The following PXYLP1 variants were observed in gnomAD, a reference collection of about 807,000 sequenced individuals.
The protein encoded by PXYLP1 is 2-phosphoxylose phosphatase 1, also known as acid phosphatase-like 2.
A neutral mutation model predicts 37.9 loss-of-function variants in PXYLP1; 17 were observed. The observed-to-expected ratio is 0.45, with a 90% CI of 0.31 to 0.67. The LOEUF is 0.67. Among genes scored for constraint, PXYLP1 ranks in the 30% least tolerant of loss-of-function variants. The pLI is 0.07. For synonymous variants in PXYLP1, 221 were observed against 232.2 expected, an observed-to-expected ratio of 0.95 and a Z score of 0.44; for missense variants, 511 against 612.0, an observed-to-expected ratio of 0.84 and a Z score of 1.74.
chr3:141,248,901 T>A (rs185946933), intron 1 of PXYLP1, among the ~76,000 whole-genome samples: 4 of 142,038 alleles, frequency 2.8e-5, no homozygotes, highest in African/African-American at 8.0e-5. Context: ...ACAGAGTGAG[T>A]GTGTGTGTGT....
chr3:141,246,180 C>T (rs1035591502), intron 1 of PXYLP1, among the ~76,000 whole-genome samples: 2 of 152,126 alleles, frequency 1.3e-5, no homozygotes, highest in African/African-American at 4.8e-5. Flanking sequence ...TAAAAGAGAG[C>T]TCTCTAAGAA....
Position 141,292,607 on chromosome 3 carries a change from T to G in PXYLP1, c.845T>G (p.Val282Gly), listed in dbSNP as rs1559899558. ...ACCTACGGGGAGATGGCCAAGATCG[T>G]GGATGTCCCCACCAAGCAGCTTAGA... ...EKTYGEMAKI[V>G]DVPTKQLRAA... Residue 282 changes from valine to glycine, a missense_variant, in exon 6 of 6, where the codon GTG becomes GGG. Val to Gly is a moderately radical substitution (Grantham distance 109). Transcript: ENST00000286353. The surrounding 1 kb of genome is among the most constrained non-coding windows in gnomAD (Gnocchi z 4.3). 3.7e-6 allele frequency: 6 copies of G among 1,613,892 alleles called. No individual in the cohort carries two copies. The highest frequency in any genetic ancestry group is 4.2e-6 in the Non-Finnish European group (5 of 1,179,990).
chr3:141,262,788 A>G (rs1011079477), intron 2 of PXYLP1: 91 of 1,176,296 alleles, frequency 7.7e-5, no homozygotes, highest in Non-Finnish European at 1.1e-4. Context: ...CATTTATTTA[A>G]TTGCTTTATT....
At chr3:141,280,569 T>C (rs1197464257) in intron 4 of PXYLP1, among the ~76,000 whole-genome samples, 1 of 152,258 alleles carries the variant, frequency 6.6e-6, no homozygotes, top group Non-Finnish European at 1.5e-5. Flanking sequence ...AGTTACTTAA[T>C]GTCATTTAAT....
At chr3:141,256,136 GT>G (rs1339108796) in intron 1 of PXYLP1, among the ~76,000 whole-genome samples, 1 of 152,202 alleles carries the variant, frequency 6.6e-6, no homozygotes, top group Non-Finnish European at 1.5e-5. Context: ...GACTCCTTGT[GT>G]TTAGATTGTG....
At chr3:141,246,026 C>G (rs1187843518) in intron 1 of PXYLP1, among the ~76,000 whole-genome samples, 1 of 152,170 alleles carries the variant, frequency 6.6e-6, no homozygotes, top group Non-Finnish European at 1.5e-5. Flanking sequence ...AGTTCTTCCC[C>G]CGACTGACCG....
chr3:141,254,245 T>A (rs1000699596), intron 1 of PXYLP1, among the ~76,000 whole-genome samples: 2 of 152,210 alleles, frequency 1.3e-5, no homozygotes, highest in Non-Finnish European at 2.9e-5. Context: ...GTCCTAGGTC[T>A]TGTATCGTTT....
intron 2 of PXYLP1, 38 bp downstream of exon 2, chr3:141,260,292 G>A (rs1286698195): frequency 7.5e-6 from 12 of 1,604,602 alleles, no homozygotes; most frequent in Non-Finnish European, 1.0e-5. Flanking sequence ...TGGGAGGGTA[G>A]GGGCTTCATA....
chr3:141,234,770 T>A (rs1252421755), intron 1 of PXYLP1: 1 of 152,240 alleles, frequency 6.6e-6, no homozygotes, highest in African/African-American at 2.4e-5. Context: ...TCCCCCTTTT[T>A]TTGTGGGGGA....
chr3:141,244,512 T>C (rs1940890568), intron 1 of PXYLP1, among the ~76,000 whole-genome samples: 1 of 151,470 alleles, frequency 6.6e-6, no homozygotes, highest in East Asian at 1.9e-4. Flanking sequence ...TTTCGGTAAA[T>C]TTATGTTTTC....
At chr3:141,291,331 C>G (rs1236228726) in intron 5 of PXYLP1, among the ~76,000 whole-genome samples, 11 of 152,118 alleles carry the variant, frequency 7.2e-5, no homozygotes, top group Non-Finnish European at 1.5e-4. Flanking sequence ...CCTTCTTCTG[C>G]TTAAAGATAA....
At chr3:141,249,007 C>T (rs1451898615) in intron 1 of PXYLP1, among the ~76,000 whole-genome samples, 3 of 152,048 alleles carry the variant, frequency 2.0e-5, no homozygotes, top group Non-Finnish European at 2.9e-5. Flanking sequence ...ACATCAGCCC[C>T]TCTGTAGCAT....
At position 141,292,541 on chromosome 3, in the gene PXYLP1, G is replaced by T. The variant is rs146787521; in HGVS notation, c.779G>T (p.Arg260Leu). ...RNQYLEKEQRRQYLLRLKNSQ... is the reference protein window; with the variant it reads ...RNQYLEKEQRLQYLLRLKNSQ... Reference sequence around the variant, plus strand: ...CAGTATCTGGAAAAGGAGCAGCGTCGTCAGTACCTCCTACGTTTGAAAAAC... The same window carrying T: ...CAGTATCTGGAAAAGGAGCAGCGTCTTCAGTACCTCCTACGTTTGAAAAAC... The change falls in exon 6 of 6, where the codon CGT becomes CTT. Residue 260 changes from arginine (R) to leucine (L), a missense_variant. Transcript: ENST00000286353. The surrounding 1 kb of genome is among the most constrained non-coding windows in gnomAD (Gnocchi z 4.3). 1 of 1,614,078 alleles carries T rather than the reference G, an allele frequency of 6.2e-7. No homozygotes were observed. Among genetic ancestry groups the T allele is most frequent in the Non-Finnish European group, 8.5e-7 (1 of 1,180,044 alleles).
At position 141,260,531 on chromosome 3, in the gene PXYLP1, T is replaced by C. The variant is rs1259843984; in HGVS notation, c.79+277T>C. 2.0e-5 allele frequency among the ~76,000 whole-genome samples: 3 copies of C among 152,332 alleles called. No individual in the cohort carries two copies. In the East Asian group the frequency reaches 5.8e-4, roughly 29 times the overall value. Reference sequence around the variant, plus strand: ...GATGGAGACACTGAGTGGCCCTGCTTGACTTCTTATGCTGAACCACACAGA... The same window carrying C: ...GATGGAGACACTGAGTGGCCCTGCTCGACTTCTTATGCTGAACCACACAGA... On this transcript the variant is annotated intron_variant, in intron 2 of 5. Transcript: ENST00000286353.
chr3:141,250,047 A>G (rs1353975268), intron 1 of PXYLP1, among the ~76,000 whole-genome samples: 1 of 152,258 alleles, frequency 6.6e-6, no homozygotes, highest in Non-Finnish European at 1.5e-5. Flanking sequence ...GGATTTAAAA[A>G]TACTAAATCT....
chr3:141,245,286 C>T (rs1055498589), intron 1 of PXYLP1, among the ~76,000 whole-genome samples: 3 of 151,930 alleles, frequency 2.0e-5, no homozygotes, highest in Non-Finnish European at 4.4e-5. Flanking sequence ...AGGCTGGTCT[C>T]GAACTCCTGA....
intron 1 of PXYLP1, among the ~76,000 whole-genome samples, chr3:141,235,729 C>T (rs1940644690): frequency 6.6e-6 from 1 of 152,246 alleles, no homozygotes; most frequent in Admixed American, 6.5e-5. Flanking sequence ...ATTGGAGCCT[C>T]TCAACCTGGA....
chr3:141,273,287 T>C (rs1941713344), intron 2 of PXYLP1: 1 of 985,452 alleles, frequency 1.0e-6, no homozygotes, highest in Non-Finnish European at 1.2e-6. Flanking sequence ...GCTTAGTGGG[T>C]GAGCAGGTCC....
At chr3:141,257,182 C>T (rs1374595131) in intron 1 of PXYLP1, among the ~76,000 whole-genome samples, 1 of 152,132 alleles carries the variant, frequency 6.6e-6, no homozygotes, top group Non-Finnish European at 1.5e-5. Context: ...TTTATTGTAT[C>T]AGTTAGCTTT....
Sources: allele counts gnomAD v4.1 joint callset (sites outside exome capture counted in the v4.1 genomes callset), GRCh38; gene constraint gnomAD v4.1.1; non-coding constraint Gnocchi (gnomAD v3.1); transcripts MANE v1.5; gene names NCBI Gene and HGNC (gene_info 2026-07-23, HGNC 2026-07-21).